EMILIN2: variants seen among roughly 807,000 people sequenced by gnomAD.
EMILIN2 encodes elastin microfibril interfacer 2, also known as EMILIN-2.
A neutral mutation model predicts 87.1 loss-of-function variants in EMILIN2; 71 were observed. The ratio of observed to expected loss-of-function variants is 0.82; its 90% CI spans 0.67 to 0.99. The LOEUF is 0.99. EMILIN2 is among the 50% of genes least tolerant of loss of function. The pLI, the probability that EMILIN2 is intolerant of heterozygous loss-of-function variation, is 0.00. For missense variants in EMILIN2, 1,407 were observed against 1,371.8 expected (o/e 1.03, Z -0.40); for synonymous variants, 581 against 563.4 (o/e 1.03, Z -0.44).
intron 4 of EMILIN2, among the ~76,000 whole-genome samples, chr18:2,900,235 T>C (rs535432699): frequency 2.0e-5 from 3 of 152,322 alleles, no homozygotes; most frequent in African/African-American, 7.2e-5. Flanking sequence ...TTGCCCAGGC[T>C]GGAGTACAGT....
intron 2 of EMILIN2, among the ~76,000 whole-genome samples, chr18:2,884,254 CCT>C (rs1255281896): frequency 7.3e-5 from 11 of 149,900 alleles, no homozygotes; most frequent in Admixed American, 1.3e-4. Flanking sequence ...CCGCGCCCAG[CCT>C]CTTTTTCTTT....
chr18:2,852,968 A>G (rs1195351396), intron 2 of EMILIN2, among the ~76,000 whole-genome samples: 1 of 152,204 alleles, frequency 6.6e-6, no homozygotes, highest in East Asian at 1.9e-4. Context: ...TGCTTCAACA[A>G]AACATGATTT....
intron 5 of EMILIN2, among the ~76,000 whole-genome samples, chr18:2,907,876 G>A (rs1456563595): frequency 2.0e-5 from 3 of 152,204 alleles, no homozygotes; most frequent in Non-Finnish European, 4.4e-5. Context: ...TACATGCATA[G>A]AACAATGCAA....
At chr18:2,912,059 G>C (rs957325299) in intron 7 of EMILIN2, among the ~76,000 whole-genome samples, 1 of 100,842 alleles carries the variant, frequency 9.9e-6, no homozygotes, top group Non-Finnish European at 1.9e-5. Context: ...TTTTTTTTCT[G>C]AGACAGTCTT....
chr18:2,912,957 A>C, intron 7 of EMILIN2, 110 bp from the exon 8 acceptor site: 1 of 1,132,800 alleles, frequency 8.8e-7, no homozygotes, highest in Non-Finnish European at 1.3e-6. Context: ...ATGGGAAGAC[A>C]GAGATGGCTG....
chr18:2,895,250 G>C (rs1331305821), intron 4 of EMILIN2, among the ~76,000 whole-genome samples: 2 of 152,040 alleles, frequency 1.3e-5, no homozygotes, highest in African/African-American at 4.8e-5. Flanking sequence ...AGAGCCCTGA[G>C]CTGAGCCCTC....
At chr18:2,868,412 A>G (rs568012262) in intron 2 of EMILIN2, among the ~76,000 whole-genome samples, 43 of 152,320 alleles carry the variant, frequency 2.8e-4, no homozygotes, top group South Asian at 2.1e-3. Context: ...CTGGGCAGAG[A>G]CTGCAATCTC....
At chr18:2,909,891 G>C in intron 7 of EMILIN2, 72 bp downstream of exon 7, 1 of 1,576,664 alleles carries the variant, frequency 6.3e-7, no homozygotes, top group Non-Finnish European at 8.6e-7. Context: ...TCCCACCATG[G>C]CTGGCTGGTT....
intron 2 of EMILIN2, among the ~76,000 whole-genome samples, chr18:2,849,162 A>G (rs193000247): frequency 2.6e-5 from 4 of 152,334 alleles, no homozygotes; most frequent in Admixed American, 1.3e-4. Context: ...TTAATCTCTT[A>G]GTAAGATTGA....
rs563688465 is a variant in EMILIN2 at position 2,867,895 on chromosome 18, C to CAG, written c.258-17066_258-17065dup. 3.7e-3 allele frequency among the ~76,000 whole-genome samples: 557 copies of CAG among 152,330 alleles called. 23 individuals are homozygous for CAG. The highest frequency in any genetic ancestry group is 0.032 in the Admixed American group (485 of 15,302). On this transcript the variant is annotated intron_variant, in intron 2 of 7. Transcript: ENST00000254528. ...CCTCCCAGAGTGGGTGGTGGCCGGG[C>CAG]AGAGGGGCTCCTCACTTCCCAGTAG... is the stretch of plus-strand genomic sequence containing the variant.
Position 2,890,599 on chromosome 18 carries a change from T to C in EMILIN2, c.472T>C (p.Leu158=), listed in dbSNP as rs761209378. 2.5e-6 allele frequency: 4 copies of C among 1,594,172 alleles called. No homozygotes were observed. The highest frequency in any genetic ancestry group is 3.4e-6 in the Non-Finnish European group (4 of 1,165,692). Residue 158 remains leucine (L), a synonymous_variant, in exon 4 of 8, where the codon TTG becomes CTG. Transcript: ENST00000254528. This position sits in a 1 kb window ranked among gnomAD's most constrained non-coding sequence, Gnocchi z 4.7. The part of the protein sequence containing the change: ...PSQFSEPRKT[L]SPTGTAQPSW... ...CCAATTCTCAGAGCCCAGGAAGACT[T>C]TGTCCCCAACTGGTACAGCACAACC... is the stretch of plus-strand genomic sequence containing the variant.
chr18:2,891,022 G>C lies in EMILIN2; in HGVS notation c.895G>C (p.Glu299Gln), dbSNP rs369108065. 2 of 1,614,106 alleles carry C rather than the reference G, an allele frequency of 1.2e-6. No homozygotes were observed. The highest frequency in any genetic ancestry group is 3.3e-5 in the Admixed American group (2 of 60,006). The change falls in exon 4 of 8, where the codon GAA becomes CAA. Residue 299 changes from glutamate (E) to glutamine (Q), a missense_variant. By Grantham distance (29) the Glu-to-Gln change is conservative. Coordinates refer to ENST00000254528, the MANE Select transcript of EMILIN2 (RefSeq NM_032048.3). The surrounding 1 kb of genome is among the most constrained non-coding windows in gnomAD (Gnocchi z 4.6). ...GYEGQLRQLQ[E>Q]AAQGPTVTMT... The stretch of plus-strand genomic sequence containing the variant: ...CGAAGGGCAGCTCAGACAGCTCCAG[G>C]AAGCAGCTCAGGGCCCGACGGTGAC...
chr18:2,877,151 G>A (rs1293538113), intron 2 of EMILIN2, among the ~76,000 whole-genome samples: 2 of 152,324 alleles, frequency 1.3e-5, no homozygotes, highest in East Asian at 1.9e-4. Flanking sequence ...GGGTCAGAGT[G>A]CACCTCCTAA....
chr18:2,847,928 T>C lies in EMILIN2; in HGVS notation c.254T>C (p.Leu85Pro). Residue 85 changes from leucine (L) to proline (P), a missense_variant, in exon 2 of 8, where the codon CTG becomes CCG. Physicochemically the swap from Leu to Pro is moderately conservative, Grantham distance 98 (BLOSUM62 -3). Transcript: ENST00000254528. This position sits in a 1 kb window ranked among gnomAD's most constrained non-coding sequence, Gnocchi z 4.5. ...AACCAGATGCCCTGTCCGTCGGCGC[T>C]GGTGTAAGTCCTGGAGCCGGGGAGC... Reference protein sequence around the residue: ...AWNQMPCPSALVYRVNFRPRY... With the variant: ...AWNQMPCPSAPVYRVNFRPRY... 1 of 1,573,470 alleles carries C rather than the reference T, an allele frequency of 6.4e-7. No individual in the cohort carries two copies. The highest frequency in any genetic ancestry group is 1.1e-5 in the South Asian group (1 of 90,376).
rs761397069 is a variant in EMILIN2 at position 2,891,691 on chromosome 18, G to A, written c.1564G>A (p.Ala522Thr). The change falls in exon 4 of 8, where the codon GCA (alanine) becomes ACA (threonine). Residue 522 changes from alanine to threonine, a missense_variant. Ala to Thr is a moderately conservative substitution (Grantham distance 58). Transcript: ENST00000254528. The surrounding 1 kb of genome is among the most constrained non-coding windows in gnomAD (Gnocchi z 4.6). ...TGCAGAGCTCAGTCCCCCAGGGGCAGCAGCCCTGCCAGGAGTGTCAGGGTC... is the reference window on the plus strand; with the variant it reads ...TGCAGAGCTCAGTCCCCCAGGGGCAACAGCCCTGCCAGGAGTGTCAGGGTC... ...TGAELSPPGA[A>T]ALPGVSGSGD... 1.9e-6 allele frequency: 3 copies of A among 1,614,154 alleles called. No individual in the cohort carries two copies. The South Asian group carries it at 3.3e-5, about 18-fold the overall frequency.
chr18:2,906,732 G>A (rs1177569864), intron 4 of EMILIN2, 51 bp from the exon 5 acceptor site: 10 of 1,225,212 alleles, frequency 8.2e-6, no homozygotes, highest in Non-Finnish European at 1.0e-5. Context: ...GGGGCAGTCA[G>A]GGCTGAGGTT....
At position 2,890,680 on chromosome 18, in the gene EMILIN2, C is replaced by T. The variant is rs761469866; in HGVS notation, c.553C>T (p.Gln185Ter). 2 of 1,614,020 alleles carry T rather than the reference C, an allele frequency of 1.2e-6. No individual in the cohort carries two copies. Among genetic ancestry groups the T allele is most frequent in the Non-Finnish European group, 1.7e-6 (2 of 1,180,038 alleles). ...GPQELQEKKI[Q>*]VLEEKVLRLT... ...TCAGGAACTTCAGGAAAAGAAGATA[C>T]AGGTGCTAGAGGAGAAGGTTCTTCG... The change falls in exon 4 of 8, where the codon CAG (glutamine) becomes TAG (stop). Residue 185 changes from glutamine to a stop codon, truncating the protein, a stop_gained. Transcript: ENST00000254528. LOFTEE classifies it high-confidence loss of function. The surrounding 1 kb of genome is among the most constrained non-coding windows in gnomAD (Gnocchi z 4.7).
intron 2 of EMILIN2, among the ~76,000 whole-genome samples, chr18:2,853,449 G>A (rs530262853): frequency 2.0e-5 from 3 of 152,192 alleles, no homozygotes; most frequent in African/African-American, 7.2e-5. Flanking sequence ...GATATGTGGA[G>A]ACATGGAATC....
chr18:2,908,156 T>C (rs1191964295), intron 5 of EMILIN2, among the ~76,000 whole-genome samples: 1 of 152,240 alleles, frequency 6.6e-6, no homozygotes. Context: ...ACACTTATCT[T>C]CTGTTAGTTC....
Sources: allele counts gnomAD v4.1 joint callset (sites outside exome capture counted in the v4.1 genomes callset), GRCh38; gene constraint gnomAD v4.1.1; non-coding constraint Gnocchi (gnomAD v3.1); transcripts MANE v1.5; gene names NCBI Gene and HGNC (gene_info 2026-07-23, HGNC 2026-07-21).